The following BSND variants were observed in gnomAD, a reference collection of about 807,000 sequenced individuals.
BSND encodes barttin CLCNK type accessory subunit beta, also known as barttin.
Under a neutral mutation model 18.8 loss-of-function variants are expected in BSND, and 13 were observed. The ratio of observed to expected loss-of-function variants is 0.69; its 90% CI spans 0.45 to 1.10. BSND has a LOEUF of 1.10. Among genes scored for constraint, BSND ranks in the 50% least tolerant of loss-of-function variants. The probability of loss-of-function intolerance (pLI) is 0.00; values close to 1 mark genes in which losing one functional copy is unlikely to be tolerated. For missense variants in BSND, 379 were observed against 416.7 expected (o/e 0.91, Z 0.79); for synonymous variants, 170 against 161.8 (o/e 1.05, Z -0.39).
chr1:55,006,562 G>A (rs1644392274), intron 2 of BSND, among the ~76,000 whole-genome samples: 1 of 152,208 alleles, frequency 6.6e-6, no homozygotes, highest in South Asian at 2.1e-4. Context: ...CATTGCTGTA[G>A]ACTGTCATTG....
intron 1 of BSND, among the ~76,000 whole-genome samples, chr1:55,002,129 C>A (rs75726552): frequency 0.014 from 2,083 of 152,284 alleles, 38 homozygotes; most frequent in African/African-American, 0.048. Context: ...AGAATTCAAA[C>A]ACAAAGCTGT....
Position 55,008,301 on chromosome 1 carries a change from T to C in BSND, c.636T>C (p.Asn212=), listed in dbSNP as rs758133850. The stretch of plus-strand genomic sequence containing the variant: ...ACTCCAGTGAAGGCAGCAGCCCCAA[T>C]GCATCTCCACATGACAGGGAGGAAG... ...DMDSSEGSSP[N]ASPHDREEAC... Residue 212 remains asparagine (N), a synonymous_variant, in exon 4 of 4, where the codon AAT becomes AAC. Coordinates refer to ENST00000651561, the MANE Select transcript of BSND (RefSeq NM_057176.3). The C allele has an allele frequency of 1.2e-6, 2 of 1,614,186 alleles. No homozygotes were observed. The highest frequency in any genetic ancestry group is 2.2e-5 in the East Asian group (1 of 44,876).
chr1:55,000,456 G>C (rs1280850706), intron 1 of BSND, among the ~76,000 whole-genome samples: 1 of 142,212 alleles, frequency 7.0e-6, no homozygotes, highest in Non-Finnish European at 1.6e-5. Context: ...TGAGTTAGGA[G>C]GGGGGGGTGG....
At chr1:54,999,403 G>A in intron 1 of BSND, 40 bp downstream of exon 1, 1 of 1,579,390 alleles carries the variant, frequency 6.3e-7, no homozygotes, top group Non-Finnish European at 8.6e-7. Context: ...GGTCAGCTGG[G>A]GCCAGGAGGG....
chr1:55,011,312 G>T lies in BSND; in HGVS notation c.*2684G>T, dbSNP rs1644421459. 1 of 151,954 alleles carries T rather than the reference G, an allele frequency of 6.6e-6. No individual in the cohort carries two copies. Among genetic ancestry groups the T allele is most frequent in the Admixed American group, 6.6e-5 (1 of 15,260 alleles). The allele number at this position is 151,954 out of a possible 1,614,324, so 9.4% of individuals were successfully genotyped here. On this transcript the variant is annotated 3_prime_UTR_variant, in exon 4 of 4. Transcript: ENST00000651561. ...ACTGCCTCTGCTAAGTTATTAGGAG[G>T]CCCCTTTCACGCTCGAAGATACCTC...
At chr1:55,004,716 T>G (rs1243881592) in intron 1 of BSND, among the ~76,000 whole-genome samples, 1 of 152,232 alleles carries the variant, frequency 6.6e-6, no homozygotes, top group Non-Finnish European at 1.5e-5. Flanking sequence ...TGAAAAGATG[T>G]GAGCTCCTCA....
At position 55,008,372 on chromosome 1, in the gene BSND, A is replaced by T. The variant is rs766033314; in HGVS notation, c.707A>T (p.Asp236Val). 1 of 1,614,206 alleles carries T rather than the reference A, an allele frequency of 6.2e-7. No homozygotes were observed. The highest frequency in any genetic ancestry group is 2.2e-5 in the East Asian group (1 of 44,878). The change falls in exon 4 of 4, where the codon GAC becomes GTC. Residue 236 changes from aspartate to valine, a missense_variant. Asp to Val is a radical substitution (Grantham distance 152). Transcript: ENST00000651561. ...QEPQGCRCPLDRFQDFALIDA... is the reference protein window; with the variant it reads ...QEPQGCRCPLVRFQDFALIDA... ...CCTCAGGGCTGCAGGTGCCCGCTGG[A>T]CCGCTTCCAAGACTTTGCCCTGATT...
At chr1:55,003,608 G>A (rs952219525) in intron 1 of BSND, among the ~76,000 whole-genome samples, 1 of 152,156 alleles carries the variant, frequency 6.6e-6, no homozygotes, top group Non-Finnish European at 1.5e-5. Flanking sequence ...GAATAGGGAA[G>A]TGCTATTTAT....
rs1019252945 is a variant in BSND, at chr1:55,012,724, A to G, written c.*4096A>G. 6.6e-6 allele frequency among the ~76,000 whole-genome samples: 1 copy of G among 152,172 alleles called. No homozygotes were observed. Among genetic ancestry groups the G allele is most frequent in the Admixed American group, 6.5e-5 (1 of 15,284 alleles). On this transcript the variant is annotated 3_prime_UTR_variant, in exon 4 of 4. Transcript: ENST00000651561. ...AAAGCTTCTTGCAAGGGGTAAAGAAAGTCTGTGTGCCCAGTGCTGAGAGGC... is the reference window on the plus strand; with the variant it reads ...AAAGCTTCTTGCAAGGGGTAAAGAAGGTCTGTGTGCCCAGTGCTGAGAGGC...
chr1:55,007,863 AG>A, intron 3 of BSND, among the ~76,000 whole-genome samples: 1 of 152,314 alleles, frequency 6.6e-6, no homozygotes, highest in East Asian at 1.9e-4. Flanking sequence ...GAGTCCAATG[AG>A]GGAGGCAAAG....
rs1570276171 is a variant in BSND at position 55,010,956 on chromosome 1, C to T, written c.*2328C>T. ...TTCCCTCGGGGCAGGATACGTGAGG[C>T]CTTACGCCTGACGGGCACCAGAGGC... On this transcript the variant is annotated 3_prime_UTR_variant, in exon 4 of 4. Coordinates refer to ENST00000651561, the MANE Select transcript of BSND (RefSeq NM_057176.3). 1 of 152,264 alleles carries T rather than the reference C, an allele frequency of 6.6e-6. No homozygotes were observed. The highest frequency in any genetic ancestry group is 2.4e-5 in the African/African-American group (1 of 41,460). The allele number at this position is 152,264 out of a possible 1,614,324, so 9.4% of individuals were successfully genotyped here.
chr1:55,006,877 C>G, intron 2 of BSND, 120 bp from the exon 3 acceptor site: 2 of 1,445,310 alleles, frequency 1.4e-6, no homozygotes, highest in Non-Finnish European at 1.9e-6. Context: ...CAGTAACATC[C>G]CCCAAAGGCT....
At position 55,010,453 on chromosome 1, in the gene BSND, C is replaced by T. The variant is rs902760350; in HGVS notation, c.*1825C>T. ...GCAGAGAAAATGGCAGTAACACTAC[C>T]TCAAACCAGGACCACGCCCTCAGAG... On this transcript the variant is annotated 3_prime_UTR_variant, in exon 4 of 4. Coordinates refer to ENST00000651561, the MANE Select transcript of BSND (RefSeq NM_057176.3). The T allele has an allele frequency of 1.3e-5, 2 of 152,392 alleles. No homozygotes were observed. Among genetic ancestry groups the T allele is most frequent in the Non-Finnish European group, 2.9e-5 (2 of 68,180 alleles). 9.4% of individuals were successfully genotyped at this position (152,392 alleles called of 1,614,324 possible).
chr1:54,999,489 G>C, intron 1 of BSND, 126 bp downstream of exon 1: 1 of 999,944 alleles, frequency 1.0e-6, no homozygotes, highest in Non-Finnish European at 1.4e-6. Flanking sequence ...TTTTGACTCG[G>C]TCTTCTCTCT....
Position 55,010,603 on chromosome 1 carries a change from A to G in BSND, c.*1975A>G, listed in dbSNP as rs1376550247. 6.6e-6 allele frequency: 1 copy of G among 152,276 alleles called. No individual in the cohort carries two copies. Among genetic ancestry groups the G allele is most frequent in the Non-Finnish European group, 1.5e-5 (1 of 68,108 alleles). 9.4% of individuals were successfully genotyped at this position (152,276 alleles called of 1,614,324 possible). A position where few individuals can be genotyped will look rare whatever the true frequency, so the allele number is the denominator to read the frequency against. On this transcript the variant is annotated 3_prime_UTR_variant, in exon 4 of 4. Coordinates refer to ENST00000651561, the MANE Select transcript of BSND (RefSeq NM_057176.3). ...GAGGCCGGGGGTCCTGGCCTAGGGA[A>G]GGAGATGCCCCTGTGTGCTGGGTTA...
rs143711308 is a variant in BSND at position 55,007,251 on chromosome 1, G to A, written c.527G>A (p.Arg176His). 223 of 1,607,682 alleles carry A rather than the reference G, an allele frequency of 1.4e-4. No individual in the cohort carries two copies. The African/African-American group carries it at 2.4e-3, about 17-fold the overall frequency. The change falls in exon 3 of 4, where the codon CGC (arginine) becomes CAC (histidine). Residue 176 changes from arginine to histidine, a missense_variant. Physicochemically the swap from Arg to His is conservative, Grantham distance 29. Coordinates refer to ENST00000651561, the MANE Select transcript of BSND (RefSeq NM_057176.3). Reference sequence around the variant, plus strand: ...TCAGACGAGAGTGAAGGGGAAAGACGCCTAACTCAGAGCTGGCCCGGGTGA... The same window carrying A: ...TCAGACGAGAGTGAAGGGGAAAGACACCTAACTCAGAGCTGGCCCGGGTGA... The part of the protein sequence containing the change: ...KGSDESEGER[R>H]LTQSWPGPLA...
intron 1 of BSND, 57 bp from the exon 2 acceptor site, chr1:55,004,965 A>T: frequency 6.6e-7 from 1 of 1,518,540 alleles, no homozygotes; most frequent in South Asian, 1.1e-5. Flanking sequence ...CCCTGAGGGG[A>T]CAGTAGCCCC....
intron 1 of BSND, among the ~76,000 whole-genome samples, chr1:55,001,745 G>C (rs1279540415): frequency 6.6e-6 from 1 of 152,168 alleles, no homozygotes; most frequent in Non-Finnish European, 1.5e-5. Context: ...GAGGAAACAG[G>C]CTTCACAGAG....
rs1644438694 is a variant in BSND at position 55,014,358 on chromosome 1, T to A, written c.*5730T>A. 6.6e-6 allele frequency among the ~76,000 whole-genome samples: 1 copy of A among 152,178 alleles called. No homozygotes were observed. The highest frequency in any genetic ancestry group is 2.1e-4 in the South Asian group (1 of 4,826). ...GTGACTTTGGCCAGGAGACTTAGCC[T>A]CTCTGGCCCTCAATTTCCTTATTAA... On this transcript the variant is annotated 3_prime_UTR_variant, in exon 4 of 4. Transcript: ENST00000651561.
Sources: allele counts gnomAD v4.1 joint callset (sites outside exome capture counted in the v4.1 genomes callset), GRCh38; gene constraint gnomAD v4.1.1; transcripts MANE v1.5; gene names NCBI Gene and HGNC (gene_info 2026-07-23, HGNC 2026-07-21).